PRELP: variants seen among roughly 807,000 people sequenced by gnomAD.
The protein encoded by PRELP is proline and arginine rich end leucine rich repeat protein, also known as prolargin.
Under a neutral mutation model 22.8 loss-of-function variants are expected in PRELP, and 16 were observed. That is an observed-to-expected ratio of 0.70 (90% confidence interval 0.47 to 1.06). The LOEUF (loss-of-function observed/expected upper bound fraction) is 1.06. Among genes scored for constraint, PRELP ranks in the 50% least tolerant of loss-of-function variants. PRELP has a pLI of 0.00. For synonymous variants in PRELP, 233 were observed against 211.4 expected, an observed-to-expected ratio of 1.10 and a Z score of -0.89; for missense variants, 434 against 485.2, an observed-to-expected ratio of 0.89 and a Z score of 0.99.
intron 2 of PRELP, among the ~76,000 whole-genome samples, chr1:203,484,565 G>C (rs1351188990): frequency 6.6e-6 from 1 of 152,246 alleles, no homozygotes; most frequent in Non-Finnish European, 1.5e-5. Context: ...AAACAGAACA[G>C]AGACATTTAA....
rs2004131 is a variant in PRELP at position 203,490,068 on chromosome 1, G to A, written c.*3187G>A. 6.7e-6 allele frequency: 1 copy of A among 148,718 alleles called. No homozygotes were observed. The highest frequency in any genetic ancestry group is 6.7e-5 in the Admixed American group (1 of 14,950). 9.2% of individuals were successfully genotyped at this position (148,718 alleles called of 1,614,324 possible). ...TAATTGCTCTAACAAGATGAGTGGG[G>A]AAAAGATTATACTCTTAAGAAATTC... On this transcript the variant is annotated 3_prime_UTR_variant, in exon 3 of 3. Coordinates refer to ENST00000343110, the MANE Select transcript of PRELP (RefSeq NM_002725.4).
chr1:203,481,957 T>A (rs1661007537), intron 1 of PRELP, among the ~76,000 whole-genome samples: 1 of 152,108 alleles, frequency 6.6e-6, no homozygotes, highest in Admixed American at 6.5e-5. Flanking sequence ...TCAATATATA[T>A]AATAGGTTTT....
In PRELP at chr1:203,483,679, C is replaced by A. The variant is rs763281902; in HGVS notation, c.495C>A (p.Val165=). The change falls in exon 2 of 3, where the codon GTC becomes GTA. Residue 165 remains valine, a synonymous_variant. Coordinates refer to ENST00000343110, the MANE Select transcript of PRELP (RefSeq NM_002725.4). The surrounding 1 kb of genome is among the most constrained non-coding windows in gnomAD (Gnocchi z 4.4). The part of the protein sequence containing the change: ...LYMEKNQLEE[V]PSALPRNLEQ... ...TGGAGAAGAACCAGTTGGAAGAGGT[C>A]CCCTCGGCCCTGCCCCGGAACCTGG... is the stretch of plus-strand genomic sequence containing the variant. 56 of 1,614,102 alleles carry A rather than the reference C, an allele frequency of 3.5e-5. No homozygotes were observed. The Middle Eastern group carries it at 6.6e-4, about 19-fold the overall frequency.
Position 203,488,231 on chromosome 1 carries a change from C to G in PRELP, c.*1350C>G, listed in dbSNP as rs1661131454. The G allele has an allele frequency of 6.6e-6, 1 of 152,430 alleles. No homozygotes were observed. The highest frequency in any genetic ancestry group is 6.5e-5 in the Admixed American group (1 of 15,286). The allele number at this position is 152,430 out of a possible 1,614,324, so 9.4% of individuals were successfully genotyped here. A position where few individuals can be genotyped will look rare whatever the true frequency, so the allele number is the denominator to read the frequency against. ...AAACCGAGGAGGTGGATAAGATGCT[C>G]CCGGCCGGGCGCGGTGGCTCACGCC... is the stretch of plus-strand genomic sequence containing the variant. On this transcript the variant is annotated 3_prime_UTR_variant, in exon 3 of 3. Transcript: ENST00000343110.
In PRELP at chr1:203,487,005, C is replaced by G; in HGVS notation, c.*124C>G. The G allele has an allele frequency of 1.8e-6, 2 of 1,142,766 alleles. No homozygotes were observed. Among genetic ancestry groups the G allele is most frequent in the Non-Finnish European group, 2.4e-6 (2 of 834,744 alleles). 70.8% of individuals were successfully genotyped at this position (1,142,766 alleles called of 1,614,324 possible). On this transcript the variant is annotated 3_prime_UTR_variant, in exon 3 of 3. Coordinates refer to ENST00000343110, the MANE Select transcript of PRELP (RefSeq NM_002725.4). ...CCAGCTTTGCCTCCCTTATCCCACC[C>G]TCGAGGCAGGGAAAAGCCATCTATT...
In PRELP at chr1:203,483,289, ACCCAGG is replaced by A. The variant is rs755433661; in HGVS notation, c.122_127del (p.Arg41_Pro42del). 1.9e-6 allele frequency: 3 copies of A among 1,613,388 alleles called. No homozygotes were observed. Among genetic ancestry groups the A allele is most frequent in the Non-Finnish European group, 2.5e-6 (3 of 1,179,684 alleles). ...GACCCGGGACTGGGCCCGGGCGCAG[ACCCAGG>A]CCCAGGCCCAGGCCCACACCCAGCT... On this transcript the variant is annotated inframe_deletion, in exon 2 of 3. Transcript: ENST00000343110. The surrounding 1 kb of genome is among the most constrained non-coding windows in gnomAD (Gnocchi z 4.4).
chr1:203,482,240 C>T (rs541418889), intron 1 of PRELP, among the ~76,000 whole-genome samples: 33 of 151,798 alleles, frequency 2.2e-4, no homozygotes, highest in African/African-American at 7.2e-4. Context: ...TCTGACAAGC[C>T]CCAGGACTCC....
intron 1 of PRELP, among the ~76,000 whole-genome samples, chr1:203,478,855 C>CT: frequency 6.6e-6 from 1 of 152,114 alleles, no homozygotes; most frequent in Non-Finnish European, 1.5e-5. Flanking sequence ...TAATGGGGGC[C>CT]TTGAAAGGGC....
chr1:203,481,833 C>T (rs1661006001), intron 1 of PRELP, among the ~76,000 whole-genome samples: 1 of 152,214 alleles, frequency 6.6e-6, no homozygotes, highest in South Asian at 2.1e-4. Flanking sequence ...TTCTTCCTTC[C>T]AGTCCTCAGT....
intron 1 of PRELP, among the ~76,000 whole-genome samples, chr1:203,481,236 A>AT (rs56062017): frequency 0.18 from 26,974 of 150,766 alleles, 2,799 homozygotes; most frequent in African/African-American, 0.28. Context: ...TAGAAAATAA[A>AT]TTTTTTTTTT....
chr1:203,483,633 C>T lies in PRELP; in HGVS notation c.449C>T (p.Pro150Leu). Reference sequence around the variant, plus strand: ...GACCAGAGGGTGCTGGAGAAACTGCCCGGCCTGGTGTTCCTCTACATGGAG... The same window carrying T: ...GACCAGAGGGTGCTGGAGAAACTGCTCGGCCTGGTGTTCCTCTACATGGAG... ...KIDQRVLEKLPGLVFLYMEKN... is the reference protein window; with the variant it reads ...KIDQRVLEKLLGLVFLYMEKN... The change falls in exon 2 of 3, where the codon CCC becomes CTC. Residue 150 changes from proline to leucine, a missense_variant. Transcript: ENST00000343110. This position sits in a 1 kb window ranked among gnomAD's most constrained non-coding sequence, Gnocchi z 4.4. 1 of 1,614,192 alleles carries T rather than the reference C, an allele frequency of 6.2e-7. No individual in the cohort carries two copies. The highest frequency in any genetic ancestry group is 8.5e-7 in the Non-Finnish European group (1 of 1,180,040).
At position 203,483,561 on chromosome 1, in the gene PRELP, C is replaced by T. The variant is rs1414764066; in HGVS notation, c.377C>T (p.Thr126Ile). 6.2e-7 allele frequency: 1 copy of T among 1,614,242 alleles called. No individual in the cohort carries two copies. Among genetic ancestry groups the T allele is most frequent in the South Asian group, 1.1e-5 (1 of 91,090 alleles). ...CCGGTGGAGTCCTTCCAGAATGCCA[C>T]AGGCCTGCGATGGATTAACCTGGAC... ...ELPVESFQNA[T>I]GLRWINLDNN... is the part of the protein sequence containing the mutation. The change falls in exon 2 of 3, where the codon ACA becomes ATA. Residue 126 changes from threonine (T) to isoleucine (I), a missense_variant. Coordinates refer to ENST00000343110, the MANE Select transcript of PRELP (RefSeq NM_002725.4). The surrounding 1 kb of genome is among the most constrained non-coding windows in gnomAD (Gnocchi z 4.4).
rs1661113192 is a variant in PRELP at position 203,487,439 on chromosome 1, G to A, written c.*558G>A. ...GCCCTGCTGGCCCGGGTATCGGGAA[G>A]GAGGAGCGAGGGAATGACGGAGGTA... On this transcript the variant is annotated 3_prime_UTR_variant, in exon 3 of 3. Transcript: ENST00000343110. The A allele has an allele frequency of 6.5e-6, 1 of 153,214 alleles. No homozygotes were observed. 9.5% of individuals were successfully genotyped at this position (153,214 alleles called of 1,614,324 possible). A position where few individuals can be genotyped will look rare whatever the true frequency, so the allele number is the denominator to read the frequency against.
In PRELP at chr1:203,486,801, C is replaced by T; in HGVS notation, c.1069C>T (p.Leu357=). Residue 357 remains leucine, a synonymous_variant, in exon 3 of 3, where the codon CTG becomes TTG. Coordinates refer to ENST00000343110, the MANE Select transcript of PRELP (RefSeq NM_002725.4). The part of the protein sequence containing the change: ...ENVPHLRYLR[L]DGNYLKPPIP... ...CGTGCCACACCTGCGCTACCTGCGG[C>T]TGGATGGAAACTACTTGAAGCCGCC... 1 of 1,614,228 alleles carries T rather than the reference C, an allele frequency of 6.2e-7. No homozygotes were observed. Among genetic ancestry groups the T allele is most frequent in the Non-Finnish European group, 8.5e-7 (1 of 1,180,024 alleles).
chr1:203,486,472 C>G (rs1357850252), intron 2 of PRELP, among the ~76,000 whole-genome samples: 1 of 152,178 alleles, frequency 6.6e-6, no homozygotes, highest in East Asian at 1.9e-4. Context: ...TTCCAATTCT[C>G]TAGAGTTAAC....
chr1:203,484,291 C>G (rs1283213273), intron 2 of PRELP, 134 bp downstream of exon 2: 23 of 1,337,924 alleles, frequency 1.7e-5, no homozygotes, highest in Non-Finnish European at 2.2e-5. Flanking sequence ...AATTCATGGC[C>G]TTGCCACTTG....
rs1457178248 is a variant in PRELP, at chr1:203,491,312, C to T, written c.*4431C>T. The T allele has an allele frequency of 1.3e-5, 2 of 152,232 alleles. No individual in the cohort carries two copies. The highest frequency in any genetic ancestry group is 4.8e-5 in the African/African-American group (2 of 41,452). The allele number at this position is 152,232 out of a possible 1,614,324, so 9.4% of individuals were successfully genotyped here. A position where few individuals can be genotyped will look rare whatever the true frequency, so the allele number is the denominator to read the frequency against. On this transcript the variant is annotated 3_prime_UTR_variant, in exon 3 of 3. Coordinates refer to ENST00000343110, the MANE Select transcript of PRELP (RefSeq NM_002725.4). This position sits in a 1 kb window ranked among gnomAD's most constrained non-coding sequence, Gnocchi z 4.4. ...CTGACTCTTTTCGGACTCAGCCCGCCTGCACCCAGGTGAAATAAACAGCCT... is the reference window on the plus strand; with the variant it reads ...CTGACTCTTTTCGGACTCAGCCCGCTTGCACCCAGGTGAAATAAACAGCCT...
In PRELP at chr1:203,490,617, G is replaced by A. The variant is rs367963655; in HGVS notation, c.*3736G>A. ...CAGAGAGCATAGACCAAGTCATCTG[G>A]AATGGTCTACATGCCATGCGGAAGT... On this transcript the variant is annotated 3_prime_UTR_variant, in exon 3 of 3. Transcript: ENST00000343110. The A allele has an allele frequency of 3.3e-5, 5 of 152,204 alleles. No individual in the cohort carries two copies. The East Asian group carries it at 5.8e-4, about 18-fold the overall frequency. 9.4% of individuals were successfully genotyped at this position (152,204 alleles called of 1,614,324 possible).
Position 203,489,802 on chromosome 1 carries a change from C to T in PRELP, c.*2921C>T. The T allele has an allele frequency of 6.6e-6, 1 of 152,084 alleles. No homozygotes were observed. Among genetic ancestry groups the T allele is most frequent in the East Asian group, 1.9e-4 (1 of 5,162 alleles). The allele number at this position is 152,084 out of a possible 1,614,324, so 9.4% of individuals were successfully genotyped here. A position where few individuals can be genotyped will look rare whatever the true frequency, so the allele number is the denominator to read the frequency against. On this transcript the variant is annotated 3_prime_UTR_variant, in exon 3 of 3. Transcript: ENST00000343110. ...TGAAACCCCTTGTTTACTCAAAATACAAAAATTGGCTGGGTGCGGTGGTAC... is the reference window on the plus strand; with the variant it reads ...TGAAACCCCTTGTTTACTCAAAATATAAAAATTGGCTGGGTGCGGTGGTAC...
Sources: gnomAD v4.1 joint callset for allele counts (sites outside exome capture counted in the v4.1 genomes callset) on GRCh38, gnomAD v4.1.1 for gene constraint, Gnocchi (gnomAD v3.1) non-coding constraint, MANE v1.5 for transcripts, NCBI Gene and HGNC (gene_info 2026-07-23, HGNC 2026-07-21) for gene names.